LRP12: variants seen among roughly 807,000 people sequenced by gnomAD.
LRP12 encodes LDL receptor related protein 12.
Under a neutral mutation model 66.0 loss-of-function variants are expected in LRP12, and 14 were observed. That is an observed-to-expected ratio of 0.21 (90% CI 0.14 to 0.33). The LOEUF is 0.33. Ranked by LOEUF, LRP12 falls within the 10% of genes least tolerant of loss-of-function variation. The pLI is 1.00. For missense variants in LRP12, 889 were observed against 1,053.4 expected (o/e 0.84, Z 2.16); for synonymous variants, 357 against 359.1 (o/e 0.99, Z 0.07).
intron 1 of LRP12, among the ~76,000 whole-genome samples, chr8:104,547,409 A>G (rs1006745141): frequency 7.4e-6 from 1 of 135,738 alleles, no homozygotes; most frequent in East Asian, 2.1e-4. Flanking sequence ...CAATTCTGTT[A>G]TATTTTGTAT....
chr8:104,570,667 A>C (rs909029598), intron 1 of LRP12, among the ~76,000 whole-genome samples: 1 of 152,212 alleles, frequency 6.6e-6, no homozygotes, highest in East Asian at 1.9e-4. Flanking sequence ...TAAAACTCTA[A>C]AACTTTCAGA....
rs899068139 is a variant in LRP12, at chr8:104,524,155, T to C, written c.136+7752A>G. Among the ~76,000 whole-genome samples, 3 of 145,830 alleles carry C rather than the reference T, an allele frequency of 2.1e-5. No homozygotes were observed. In the South Asian group the frequency reaches 6.4e-4, roughly 31 times the overall value. On this transcript the variant is annotated intron_variant, in intron 2 of 6. Transcript: ENST00000276654. ...TACTCGGGAGGCTGAGGTGGGAGCA[T>C]GGCTTGAGCCCAGGAGGTGGAGGTT...
Position 104,588,974 on chromosome 8 carries a change from C to CGCCGCCGCT in LRP12, c.-78_-77insAGCGGCGGC, listed in dbSNP as rs1460476863. 1.6e-6 allele frequency: 1 copy of CGCCGCCGCT among 640,456 alleles called. No homozygotes were observed. The allele number at this position is 640,456 out of a possible 1,614,324, so 39.7% of individuals were successfully genotyped here. On this transcript the variant is annotated 5_prime_UTR_variant, in exon 1 of 7. Transcript: ENST00000276654. Reference sequence around the variant, plus strand: ...AGCTGGAGGTAGACGACGCCGACGCCGCCGCCGCCGCCGCCGCCGCCGCCG... The same window carrying CGCCGCCGCT: ...AGCTGGAGGTAGACGACGCCGACGCCGCCGCCGCTGCCGCCGCCGCCGCCGCCGCCGCCG...
intron 1 of LRP12, among the ~76,000 whole-genome samples, chr8:104,565,826 A>G (rs1811990772): frequency 6.7e-6 from 1 of 148,738 alleles, no homozygotes; most frequent in Admixed American, 6.7e-5. Flanking sequence ...GCACCACTGC[A>G]CTCCAGCCTC....
At chr8:104,575,717 T>G in intron 1 of LRP12, among the ~76,000 whole-genome samples, 1 of 152,106 alleles carries the variant, frequency 6.6e-6, no homozygotes, top group East Asian at 1.9e-4. Context: ...CCAGAGTGCC[T>G]TTTTCCCTCC....
chr8:104,510,177 G>A (rs1810970130), intron 2 of LRP12, among the ~76,000 whole-genome samples: 1 of 152,016 alleles, frequency 6.6e-6, no homozygotes, highest in Non-Finnish European at 1.5e-5. Flanking sequence ...TGCTTTTAGG[G>A]TACTCTAAAT....
intron 1 of LRP12, among the ~76,000 whole-genome samples, chr8:104,546,886 C>G (rs374777967): frequency 1.9e-5 from 1 of 53,150 alleles, no homozygotes; most frequent in Non-Finnish European, 3.6e-5. Context: ...AATTATTCTT[C>G]TTATAATTAT....
At chr8:104,532,112 AG>A in intron 1 of LRP12, 149 bp from the exon 2 acceptor site, 7 of 533,856 alleles carry the variant, frequency 1.3e-5, no homozygotes, top group Non-Finnish European at 2.3e-5. Context: ...AGACAATACT[AG>A]GAAGCTCAAA....
chr8:104,527,698 A>G (rs1811260882), intron 2 of LRP12, among the ~76,000 whole-genome samples: 1 of 151,976 alleles, frequency 6.6e-6, no homozygotes, highest in Non-Finnish European at 1.5e-5. Flanking sequence ...AAGGGGAGCG[A>G]GGAGGGATAG....
At chr8:104,554,383 C>T (rs1811773524) in intron 1 of LRP12, among the ~76,000 whole-genome samples, 1 of 151,518 alleles carries the variant, frequency 6.6e-6, no homozygotes, top group South Asian at 2.1e-4. Context: ...TTAAATGTTA[C>T]AGGATATGGC....
intron 1 of LRP12, among the ~76,000 whole-genome samples, chr8:104,584,486 AT>A (rs1299741362): frequency 6.6e-6 from 1 of 152,080 alleles, no homozygotes; most frequent in African/African-American, 2.4e-5. Context: ...ACAAAAGTAA[AT>A]CTCAACATTT....
chr8:104,533,724 C>T (rs1811358763), intron 1 of LRP12, among the ~76,000 whole-genome samples: 1 of 151,944 alleles, frequency 6.6e-6, no homozygotes, highest in South Asian at 2.1e-4. Context: ...CTATGTTGCC[C>T]AGGCTGGACT....
chr8:104,565,548 C>T (rs1811984193), intron 1 of LRP12, among the ~76,000 whole-genome samples: 1 of 152,034 alleles, frequency 6.6e-6, no homozygotes, highest in Admixed American at 6.5e-5. Context: ...ACAGTTTTAG[C>T]TGTGTACCCA....
At chr8:104,545,236 T>C (rs1374072177) in intron 1 of LRP12, among the ~76,000 whole-genome samples, 1 of 152,078 alleles carries the variant, frequency 6.6e-6, no homozygotes, top group Non-Finnish European at 1.5e-5. Flanking sequence ...GGATGAGGAG[T>C]TGTTTTTTAG....
intron 1 of LRP12, among the ~76,000 whole-genome samples, chr8:104,550,671 T>C (rs577823967): frequency 6.6e-6 from 1 of 152,262 alleles, no homozygotes; most frequent in Admixed American, 6.5e-5. Context: ...AGTTCTCAGT[T>C]CTTTCCAACC....
Position 104,543,014 on chromosome 8 carries a change from A to T in LRP12, c.80-11051T>A, listed in dbSNP as rs868072362. Among the ~76,000 whole-genome samples, 99 of 142,412 alleles carry T rather than the reference A, an allele frequency of 7.0e-4. 1 individual carries two copies. The highest frequency in any genetic ancestry group is 2.6e-3 in the African/African-American group (92 of 35,198). 93.4% of individuals were successfully genotyped at this position (142,412 alleles called of 152,430 possible). ...ACACAAATATATATATATATATATA[A>T]ATATATATACACACACACATACACA... On this transcript the variant is annotated intron_variant, in intron 1 of 6. Coordinates refer to ENST00000276654, the MANE Select transcript of LRP12 (RefSeq NM_013437.5).
At chr8:104,547,709 AT>A (rs967568121) in intron 1 of LRP12, among the ~76,000 whole-genome samples, 2 of 126,978 alleles carry the variant, frequency 1.6e-5, no homozygotes, top group Non-Finnish European at 3.1e-5. Flanking sequence ...ATTATATATA[AT>A]TCTATATTAT....
intron 1 of LRP12, among the ~76,000 whole-genome samples, chr8:104,558,664 C>G (rs753564695): frequency 6.6e-6 from 1 of 151,842 alleles, no homozygotes; most frequent in African/African-American, 2.4e-5. Context: ...GCAGAGTAAA[C>G]AGACAACCCA....
chr8:104,501,655 G>C (rs1424218651), intron 3 of LRP12, among the ~76,000 whole-genome samples: 1 of 149,406 alleles, frequency 6.7e-6, no homozygotes, highest in Non-Finnish European at 1.5e-5. Context: ...AGTGAGCTAA[G>C]ATCGCACCAC....
Sources: gnomAD v4.1 joint callset for allele counts (sites outside exome capture counted in the v4.1 genomes callset) on GRCh38, gnomAD v4.1.1 for gene constraint, MANE v1.5 for transcripts, NCBI Gene and HGNC (gene_info 2026-07-23, HGNC 2026-07-21) for gene names.